The following H2BC7 variants were observed in gnomAD, a reference collection of about 807,000 sequenced individuals.
H2BC7 encodes the protein histone H2B type 1-C/E/F/G/I.
H2BC7 carries 15 observed loss-of-function variants against 6.0 expected under a neutral mutation model. The ratio of observed to expected loss-of-function variants is 2.48; its 90% CI spans 1.66 to 3.82. The LOEUF (loss-of-function observed/expected upper bound fraction) is 3.82. H2BC7 is among the 30% of genes most tolerant of loss of function. The pLI, the probability that H2BC7 is intolerant of heterozygous loss-of-function variation, is 0.00. For missense variants in H2BC7, 227 were observed against 169.4 expected, an observed-to-expected ratio of 1.34 and a Z score of -1.89; for synonymous variants, 148 against 70.7, an observed-to-expected ratio of 2.09 and a Z score of -5.49.
chr6:26,199,580 G>A lies in H2BC7; in HGVS notation c.22G>A (p.Ala8Thr), dbSNP rs1765081711. MPEPAKS[A>T]PAPKKGSKKA... Reference sequence around the variant, plus strand: ...TATCATGCCTGAACCTGCTAAGTCCGCTCCTGCTCCAAAAAAGGGCTCCAA... The same window carrying A: ...TATCATGCCTGAACCTGCTAAGTCCACTCCTGCTCCAAAAAAGGGCTCCAA... The change falls in exon 1 of 1, where the codon GCT (alanine) becomes ACT (threonine). Residue 8 changes from alanine to threonine, a missense_variant. Transcript: ENST00000356530. 1.2e-6 allele frequency: 2 copies of A among 1,614,070 alleles called. No homozygotes were observed. Among genetic ancestry groups the A allele is most frequent in the Non-Finnish European group, 8.5e-7 (1 of 1,180,012 alleles).
At position 26,199,762 on chromosome 6, in the gene H2BC7, C is replaced by T. The variant is rs772289826; in HGVS notation, c.204C>T (p.Asn68=). ...TGGGCATCATGAACTCCTTCGTCAA[C>T]GATATCTTCGAGCGCATCGCTGGCG... The part of the protein sequence containing the change: ...KAMGIMNSFV[N]DIFERIAGEA... The change falls in exon 1 of 1, where the codon AAC becomes AAT. Residue 68 remains asparagine (N), a synonymous_variant. Transcript: ENST00000356530. The T allele has an allele frequency of 1.2e-6, 2 of 1,614,242 alleles. No homozygotes were observed. The highest frequency in any genetic ancestry group is 2.2e-5 in the South Asian group (2 of 91,088).
rs541409175 is a variant in H2BC7, at chr6:26,199,804, G to T, written c.246G>T (p.Ala82=). 5 of 1,614,236 alleles carry T rather than the reference G, an allele frequency of 3.1e-6. No individual in the cohort carries two copies. The highest frequency in any genetic ancestry group is 3.3e-5 in the Admixed American group (2 of 60,022). The change falls in exon 1 of 1, where the codon GCG becomes GCT. Residue 82 remains alanine (A), a synonymous_variant. Transcript: ENST00000356530. ...TCGCTGGCGAGGCTTCCCGCCTGGCGCATTACAACAAGCGCTCCACCATCA... is the reference window on the plus strand; with the variant it reads ...TCGCTGGCGAGGCTTCCCGCCTGGCTCATTACAACAAGCGCTCCACCATCA... The part of the protein sequence containing the change: ...ERIAGEASRL[A]HYNKRSTITS...
At position 26,199,674 on chromosome 6, in the gene H2BC7, C is replaced by T. The variant is rs777535487; in HGVS notation, c.116C>T (p.Ser39Phe). The T allele has an allele frequency of 1.2e-6, 2 of 1,614,258 alleles. No homozygotes were observed. The highest frequency in any genetic ancestry group is 2.2e-5 in the South Asian group (2 of 91,092). Reference protein sequence around the residue: ...KRKRSRKESYSVYVYKVLKQV... With the variant: ...KRKRSRKESYFVYVYKVLKQV... ...AAGCGTAGCCGCAAGGAGAGCTATT[C>T]CGTGTACGTGTACAAGGTGCTAAAG... is the stretch of plus-strand genomic sequence containing the variant. The change falls in exon 1 of 1, where the codon TCC becomes TTC. Residue 39 changes from serine to phenylalanine, a missense_variant. Physicochemically the swap from Ser to Phe is radical, Grantham distance 155 (BLOSUM62 -2). Coordinates refer to ENST00000356530, the MANE Select transcript of H2BC7 (RefSeq NM_003522.4).
chr6:26,199,885 G>C lies in H2BC7; in HGVS notation c.327G>C (p.Lys109Asn). Reference protein sequence around the residue: ...VRLLLPGELAKHAVSEGTKAV... With the variant: ...VRLLLPGELANHAVSEGTKAV... ...TGCTGCTGCCCGGGGAGCTGGCTAA[G>C]CACGCCGTGTCAGAGGGCACCAAGG... Residue 109 changes from lysine to asparagine, a missense_variant, in exon 1 of 1, where the codon AAG (lysine) becomes AAC (asparagine). Transcript: ENST00000356530. 1 of 1,614,232 alleles carries C rather than the reference G, an allele frequency of 6.2e-7. No homozygotes were observed. Among genetic ancestry groups the C allele is most frequent in the Non-Finnish European group, 8.5e-7 (1 of 1,180,040 alleles).
chr6:26,199,558 C>T lies in H2BC7; in HGVS notation c.-1C>T, dbSNP rs377404972. 1.2e-6 allele frequency: 2 copies of T among 1,611,568 alleles called. No individual in the cohort carries two copies. The highest frequency in any genetic ancestry group is 2.2e-5 in the South Asian group (2 of 90,830). ...GGTTGTGGACGAAGTGTTTATTTATCATGCCTGAACCTGCTAAGTCCGCTC... is the reference window on the plus strand; with the variant it reads ...GGTTGTGGACGAAGTGTTTATTTATTATGCCTGAACCTGCTAAGTCCGCTC... On this transcript the variant is annotated 5_prime_UTR_variant, in exon 1 of 1. Coordinates refer to ENST00000356530, the MANE Select transcript of H2BC7 (RefSeq NM_003522.4).
In H2BC7 at chr6:26,199,950, T is replaced by C; in HGVS notation, c.*11T>C. The C allele has an allele frequency of 6.2e-7, 1 of 1,613,470 alleles. No individual in the cohort carries two copies. Among genetic ancestry groups the C allele is most frequent in the Non-Finnish European group, 8.5e-7 (1 of 1,179,798 alleles). ...ACCAGCTCTAAGTAATTCTAACGTC[T>C]TCATACCCAATCCCAAAGGCTCTTT... On this transcript the variant is annotated 3_prime_UTR_variant, in exon 1 of 1. Transcript: ENST00000356530.
chr6:26,199,605 A>G lies in H2BC7; in HGVS notation c.47A>G (p.Lys16Arg), dbSNP rs1250052309. 2.5e-6 allele frequency: 4 copies of G among 1,614,236 alleles called. No homozygotes were observed. In the South Asian group the frequency reaches 3.3e-5, roughly 13 times the overall value. Residue 16 changes from lysine (K) to arginine (R), a missense_variant, in exon 1 of 1, where the codon AAA becomes AGA. By Grantham distance (26) the Lys-to-Arg change is conservative (BLOSUM62 2). Coordinates refer to ENST00000356530, the MANE Select transcript of H2BC7 (RefSeq NM_003522.4). ...KSAPAPKKGS[K>R]KAVTKAQKKD... Reference sequence around the variant, plus strand: ...GCTCCTGCTCCAAAAAAGGGCTCCAAAAAGGCGGTGACCAAGGCGCAGAAG... The same window carrying G: ...GCTCCTGCTCCAAAAAAGGGCTCCAGAAAGGCGGTGACCAAGGCGCAGAAG...
In H2BC7 at chr6:26,199,590, CAAA is replaced by C; in HGVS notation, c.36_38del (p.Lys13del). 59 of 1,614,048 alleles carry C rather than the reference CAAA, an allele frequency of 3.7e-5. No individual in the cohort carries two copies. The highest frequency in any genetic ancestry group is 4.8e-5 in the Non-Finnish European group (57 of 1,179,984). ...GAACCTGCTAAGTCCGCTCCTGCTC[CAAA>C]AAAGGGCTCCAAAAAGGCGGTGACC... On this transcript the variant is annotated inframe_deletion, in exon 1 of 1. Transcript: ENST00000356530.
rs747786026 is a variant in H2BC7, at chr6:26,199,963, C to T, written c.*24C>T. On this transcript the variant is annotated 3_prime_UTR_variant, in exon 1 of 1. Transcript: ENST00000356530. The stretch of plus-strand genomic sequence containing the variant: ...AATTCTAACGTCTTCATACCCAATC[C>T]CAAAGGCTCTTTTAAGAGCCACCCA... 6.2e-7 allele frequency: 1 copy of T among 1,610,226 alleles called. No homozygotes were observed. Among genetic ancestry groups the T allele is most frequent in the Non-Finnish European group, 8.5e-7 (1 of 1,178,694 alleles).
chr6:26,199,984 A>G lies in H2BC7; in HGVS notation c.*45A>G. On this transcript the variant is annotated 3_prime_UTR_variant, in exon 1 of 1. Transcript: ENST00000356530. ...AATCCCAAAGGCTCTTTTAAGAGCC[A>G]CCCACTTTTTCAGCTATAGAGTTGT... is the stretch of plus-strand genomic sequence containing the variant. 1.9e-6 allele frequency: 3 copies of G among 1,602,844 alleles called. No homozygotes were observed. Among genetic ancestry groups the G allele is most frequent in the Non-Finnish European group, 2.6e-6 (3 of 1,175,330 alleles).
rs760077928 is a variant in H2BC7 at position 26,199,617 on chromosome 6, C to G, written c.59C>G (p.Thr20Ser). 1 of 1,614,194 alleles carries G rather than the reference C, an allele frequency of 6.2e-7. No homozygotes were observed. Among genetic ancestry groups the G allele is most frequent in the Admixed American group, 1.7e-5 (1 of 60,022 alleles). ...APKKGSKKAV[T>S]KAQKKDGKKR... ...AAAAAGGGCTCCAAAAAGGCGGTGA[C>G]CAAGGCGCAGAAGAAGGATGGTAAG... Residue 20 changes from threonine (T) to serine (S), a missense_variant, in exon 1 of 1, where the codon ACC (threonine) becomes AGC (serine). Physicochemically the swap from Thr to Ser is moderately conservative, Grantham distance 58 (BLOSUM62 1). Coordinates refer to ENST00000356530, the MANE Select transcript of H2BC7 (RefSeq NM_003522.4).
Position 26,199,572 on chromosome 6 carries a change from C to G in H2BC7, c.14C>G (p.Ala5Gly), listed in dbSNP as rs1248058738. The G allele has an allele frequency of 1.2e-6, 2 of 1,613,928 alleles. No individual in the cohort carries two copies. The highest frequency in any genetic ancestry group is 1.3e-5 in the African/African-American group (1 of 74,888). MPEP[A>G]KSAPAPKKGS... ...TGTTTATTTATCATGCCTGAACCTG[C>G]TAAGTCCGCTCCTGCTCCAAAAAAG... Residue 5 changes from alanine to glycine, a missense_variant, in exon 1 of 1, where the codon GCT (alanine) becomes GGT (glycine). Ala to Gly is a moderately conservative substitution (Grantham distance 60, BLOSUM62 0). Transcript: ENST00000356530.
rs61750967 is a variant in H2BC7, at chr6:26,199,822, C to G, written c.264C>G (p.Ser88=). The G allele has an allele frequency of 0.023, 36,643 of 1,614,232 alleles. 538 individuals are homozygous for G. Among genetic ancestry groups the G allele is most frequent in the Non-Finnish European group, 0.027 (31,649 of 1,180,044 alleles). The change falls in exon 1 of 1, where the codon TCC becomes TCG. Residue 88 remains serine (S), a synonymous_variant. Transcript: ENST00000356530. ...GCCTGGCGCATTACAACAAGCGCTC[C>G]ACCATCACCTCCAGGGAGATCCAGA... The part of the protein sequence containing the change: ...ASRLAHYNKR[S]TITSREIQTA...
chr6:26,199,522 A>T lies in H2BC7; in HGVS notation c.-37A>T. On this transcript the variant is annotated 5_prime_UTR_variant, in exon 1 of 1. Transcript: ENST00000356530. ...CCAGCTGCAGAGTGAGGACACTTGC[A>T]TTTCTCTTTAGGTTGTGGACGAAGT... The T allele has an allele frequency of 6.3e-7, 1 of 1,597,766 alleles. No homozygotes were observed. The highest frequency in any genetic ancestry group is 8.5e-7 in the Non-Finnish European group (1 of 1,174,136).
At position 26,199,569 on chromosome 6, in the gene H2BC7, C is replaced by A. The variant is rs750651221; in HGVS notation, c.11C>A (p.Pro4His). Residue 4 changes from proline (P) to histidine (H), a missense_variant, in exon 1 of 1, where the codon CCT becomes CAT. Physicochemically the swap from Pro to His is moderately conservative, Grantham distance 77 (BLOSUM62 -2). Coordinates refer to ENST00000356530, the MANE Select transcript of H2BC7 (RefSeq NM_003522.4). MPE[P>H]AKSAPAPKKG... Reference sequence around the variant, plus strand: ...AAGTGTTTATTTATCATGCCTGAACCTGCTAAGTCCGCTCCTGCTCCAAAA... The same window carrying A: ...AAGTGTTTATTTATCATGCCTGAACATGCTAAGTCCGCTCCTGCTCCAAAA... 6.2e-7 allele frequency: 1 copy of A among 1,613,884 alleles called. No homozygotes were observed. The highest frequency in any genetic ancestry group is 8.5e-7 in the Non-Finnish European group (1 of 1,179,958).
Position 26,199,696 on chromosome 6 carries a change from A to C in H2BC7, c.138A>C (p.Leu46=), listed in dbSNP as rs202168610. 7 of 1,614,250 alleles carry C rather than the reference A, an allele frequency of 4.3e-6. No individual in the cohort carries two copies. The East Asian group carries it at 1.6e-4, about 36-fold the overall frequency. The change falls in exon 1 of 1, where the codon CTA becomes CTC. Residue 46 remains leucine (L), a synonymous_variant. Coordinates refer to ENST00000356530, the MANE Select transcript of H2BC7 (RefSeq NM_003522.4). ...ATTCCGTGTACGTGTACAAGGTGCT[A>C]AAGCAGGTCCACCCCGACACCGGCA... The part of the protein sequence containing the change: ...ESYSVYVYKV[L]KQVHPDTGIS...
rs768813456 is a variant in H2BC7 at position 26,199,806 on chromosome 6, A to G, written c.248A>G (p.His83Arg). Residue 83 changes from histidine to arginine, a missense_variant, in exon 1 of 1, where the codon CAT becomes CGT. Coordinates refer to ENST00000356530, the MANE Select transcript of H2BC7 (RefSeq NM_003522.4). ...RIAGEASRLA[H>R]YNKRSTITSR... is the part of the protein sequence containing the mutation. ...GCTGGCGAGGCTTCCCGCCTGGCGC[A>G]TTACAACAAGCGCTCCACCATCACC... is the stretch of plus-strand genomic sequence containing the variant. 6.2e-7 allele frequency: 1 copy of G among 1,614,258 alleles called. No individual in the cohort carries two copies. Among genetic ancestry groups the G allele is most frequent in the Non-Finnish European group, 8.5e-7 (1 of 1,180,046 alleles).
chr6:26,199,718 G>T lies in H2BC7; in HGVS notation c.160G>T (p.Gly54Cys). The change falls in exon 1 of 1, where the codon GGC becomes TGC. Residue 54 changes from glycine (G) to cysteine (C), a missense_variant. Physicochemically the swap from Gly to Cys is radical, Grantham distance 159. Transcript: ENST00000356530. ...GCTAAAGCAGGTCCACCCCGACACC[G>T]GCATCTCATCCAAGGCCATGGGCAT... The part of the protein sequence containing the change: ...KVLKQVHPDT[G>C]ISSKAMGIMN... 2 of 1,614,220 alleles carry T rather than the reference G, an allele frequency of 1.2e-6. No individual in the cohort carries two copies. Among genetic ancestry groups the T allele is most frequent in the Non-Finnish European group, 1.7e-6 (2 of 1,180,040 alleles).
chr6:26,199,602 C>T lies in H2BC7; in HGVS notation c.44C>T (p.Ser15Phe), dbSNP rs771865838. ...AKSAPAPKKG[S>F]KKAVTKAQKK... is the part of the protein sequence containing the mutation. The stretch of plus-strand genomic sequence containing the variant: ...TCCGCTCCTGCTCCAAAAAAGGGCT[C>T]CAAAAAGGCGGTGACCAAGGCGCAG... The change falls in exon 1 of 1, where the codon TCC becomes TTC. Residue 15 changes from serine (S) to phenylalanine (F), a missense_variant. Physicochemically the swap from Ser to Phe is radical, Grantham distance 155 (BLOSUM62 -2). Transcript: ENST00000356530. 3 of 1,614,172 alleles carry T rather than the reference C, an allele frequency of 1.9e-6. No individual in the cohort carries two copies. The highest frequency in any genetic ancestry group is 1.1e-5 in the South Asian group (1 of 91,078).
Sources: allele counts gnomAD v4.1 joint callset, GRCh38; gene constraint gnomAD v4.1.1; transcripts MANE v1.5; gene names NCBI Gene and HGNC (gene_info 2026-07-23, HGNC 2026-07-21).